NELL1: variants seen among roughly 807,000 people sequenced by gnomAD.
NELL1 encodes neural EGFL like 1.
In NELL1, 76 loss-of-function variants were observed where a neutral mutation model predicts 107.4. The observed-to-expected ratio is 0.71, with a 90% CI of 0.59 to 0.86. NELL1 has a LOEUF of 0.86. NELL1 is among the 40% of genes least tolerant of loss of function. The pLI is 0.00. For synonymous variants in NELL1, 353 were observed against 341.2 expected, an observed-to-expected ratio of 1.03 and a Z score of -0.38; for missense variants, 1,024 against 1,005.5, an observed-to-expected ratio of 1.02 and a Z score of -0.25.
At chr11:21,568,710 C>T (rs571741356) in intron 17 of NELL1, among the ~76,000 whole-genome samples, 3 of 151,804 alleles carry the variant, frequency 2.0e-5, no homozygotes. Context: ...TCAGGATTAT[C>T]AATATCACTG....
chr11:20,706,886 G>A (rs1247977522), intron 2 of NELL1, among the ~76,000 whole-genome samples: 1 of 152,088 alleles, frequency 6.6e-6, no homozygotes, highest in African/African-American at 2.4e-5. Flanking sequence ...GAGTATCTTT[G>A]TGGCGTTCTC....
At chr11:20,954,327 C>T (rs529165832) in intron 11 of NELL1, among the ~76,000 whole-genome samples, 9 of 152,164 alleles carry the variant, frequency 5.9e-5, no homozygotes, top group African/African-American at 1.2e-4. Context: ...CTTTCTTCTT[C>T]CTCTTTGGTT....
chr11:21,474,374 C>T (rs1564912190), intron 15 of NELL1, among the ~76,000 whole-genome samples: 3 of 150,748 alleles, frequency 2.0e-5, no homozygotes, highest in Admixed American at 6.6e-5. Flanking sequence ...TTTTAGCTGT[C>T]TGTGTTCCCT....
chr11:21,242,792 C>A (rs946303615), intron 14 of NELL1, among the ~76,000 whole-genome samples: 21 of 152,120 alleles, frequency 1.4e-4, no homozygotes, highest in Non-Finnish European at 1.5e-5. Flanking sequence ...GCCTCTGATG[C>A]TGCCAGTTTT....
At chr11:21,387,125 G>A (rs999439161) in intron 15 of NELL1, among the ~76,000 whole-genome samples, 6 of 151,684 alleles carry the variant, frequency 4.0e-5, no homozygotes, top group African/African-American at 1.2e-4. Flanking sequence ...CTCTCTTTCT[G>A]GGGTGTTTTT....
chr11:21,245,677 C>A (rs758737214), intron 14 of NELL1, among the ~76,000 whole-genome samples: 27 of 152,096 alleles, frequency 1.8e-4, no homozygotes, highest in Non-Finnish European at 3.4e-4. Context: ...ATCTTTGTGT[C>A]CCAAAGCTTA....
chr11:20,800,888 A>G (rs1465339242), intron 3 of NELL1, among the ~76,000 whole-genome samples: 5 of 152,242 alleles, frequency 3.3e-5, no homozygotes, highest in African/African-American at 1.2e-4. Context: ...ACTGCAGGCC[A>G]TAGTTGGCTT....
chr11:21,052,791 A>G (rs1853527119), intron 12 of NELL1, among the ~76,000 whole-genome samples: 1 of 152,122 alleles, frequency 6.6e-6, no homozygotes, highest in African/African-American at 2.4e-5. Flanking sequence ...AAAGGCCCCA[A>G]GACAGGTACA....
rs199747799 is a variant in NELL1, at chr11:21,186,976, GCTGA to G, written c.1427-42352_1427-42349del. On this transcript the variant is annotated intron_variant, in intron 13 of 19. Transcript: ENST00000357134. ...ACTTTGGACAAGTCACTTTAATATT[GCTGA>G]CTGTCATTTCTGTCATTGGTGAAAT... is the stretch of plus-strand genomic sequence containing the variant. Among the ~76,000 whole-genome samples, 1,216 of 151,902 alleles carry G rather than the reference GCTGA, an allele frequency of 8.0e-3. 36 individuals are homozygous for G. The highest frequency in any genetic ancestry group is 0.031 in the Middle Eastern group (9 of 294).
chr11:21,236,924 A>G (rs1791864), intron 14 of NELL1, among the ~76,000 whole-genome samples: 148,584 of 152,244 alleles, frequency 0.98, 72,604 homozygotes, highest in East Asian at 1. Context: ...AGAAAGGCTA[A>G]TGTAAACAAA....
At chr11:21,389,329 TG>T (rs1398795072) in intron 15 of NELL1, among the ~76,000 whole-genome samples, 1 of 151,836 alleles carries the variant, frequency 6.6e-6, no homozygotes, top group African/African-American at 2.4e-5. Context: ...ATATCTGCAT[TG>T]TTGAAAGTAT....
At chr11:20,705,907 G>A (rs11025702) in intron 2 of NELL1, among the ~76,000 whole-genome samples, 68,797 of 151,988 alleles carry the variant, frequency 0.45, 17,035 homozygotes, top group Middle Eastern at 0.61. Flanking sequence ...CAAAAGACAC[G>A]TGAAAAAATG....
At chr11:20,716,937 T>G (rs1442588527) in intron 2 of NELL1, among the ~76,000 whole-genome samples, 1 of 152,238 alleles carries the variant, frequency 6.6e-6, no homozygotes, top group African/African-American at 2.4e-5. Context: ...CTCTGAAACT[T>G]ATCATTTCAC....
intron 15 of NELL1, among the ~76,000 whole-genome samples, chr11:21,507,703 G>A (rs760112476): frequency 4.0e-5 from 6 of 151,040 alleles, no homozygotes; most frequent in Non-Finnish European, 8.9e-5. Flanking sequence ...AAATAAAGGC[G>A]ATAATGAAAG....
chr11:21,316,843 CT>C (rs922533459), intron 14 of NELL1, among the ~76,000 whole-genome samples: 87 of 151,952 alleles, frequency 5.7e-4, no homozygotes, highest in Admixed American at 4.8e-3. Flanking sequence ...GGAGGTAGAG[CT>C]GGGGAAGAGG....
At chr11:21,074,799 C>T (rs1854096852) in intron 12 of NELL1, among the ~76,000 whole-genome samples, 1 of 152,032 alleles carries the variant, frequency 6.6e-6, no homozygotes, top group African/African-American at 2.4e-5. Flanking sequence ...CTGAGAACCC[C>T]TGGAGAAAGA....
At chr11:21,346,829 T>G (rs941985149) in intron 14 of NELL1, among the ~76,000 whole-genome samples, 1 of 152,112 alleles carries the variant, frequency 6.6e-6, no homozygotes, top group African/African-American at 2.4e-5. Flanking sequence ...GAAAAACTCC[T>G]ACTTCACCTT....
At chr11:21,568,582 T>C (rs1168735173) in intron 17 of NELL1, among the ~76,000 whole-genome samples, 1 of 151,886 alleles carries the variant, frequency 6.6e-6, no homozygotes, top group African/African-American at 2.4e-5. Flanking sequence ...TGTACAGCAG[T>C]ACAAAATACT....
chr11:21,136,741 A>G (rs10766769), intron 13 of NELL1, among the ~76,000 whole-genome samples: 73,171 of 152,050 alleles, frequency 0.48, 17,852 homozygotes, highest in African/African-American at 0.52. Context: ...TGTTACTGTT[A>G]TCATCTTCAT....
Sources: gnomAD v4.1 joint callset for allele counts (sites outside exome capture counted in the v4.1 genomes callset) on GRCh38, gnomAD v4.1.1 for gene constraint, MANE v1.5 for transcripts, NCBI Gene and HGNC (gene_info 2026-07-23, HGNC 2026-07-21) for gene names.